Variants in MAML2 observed in about 807,000 individuals in gnomAD.
The protein encoded by MAML2 is mastermind like transcriptional coactivator 2.
A neutral mutation model predicts 96.1 loss-of-function variants in MAML2; 22 were observed. The observed-to-expected ratio is 0.23, with a 90% CI of 0.16 to 0.33. The LOEUF (loss-of-function observed/expected upper bound fraction) is 0.33. MAML2 is among the 10% of genes least tolerant of loss of function. MAML2 has a pLI of 1.00. For missense variants in MAML2, 1,367 were observed against 1,392.4 expected (o/e 0.98, Z 0.29); for synonymous variants, 561 against 521.3 (o/e 1.08, Z -1.04).
At chr11:96,062,036 T>A (rs552223942) in intron 2 of MAML2, among the ~76,000 whole-genome samples, 45 of 152,330 alleles carry the variant, frequency 3.0e-4, no homozygotes, top group African/African-American at 1.1e-3. Context: ...AAAGTGCATA[T>A]TTTAAAGAAA....
chr11:95,993,001 C>T (rs539746964), intron 2 of MAML2, among the ~76,000 whole-genome samples: 7 of 152,200 alleles, frequency 4.6e-5, no homozygotes, highest in Admixed American at 2.0e-4. Context: ...CCACTTCAGC[C>T]TCCTAAAGTG....
intron 1 of MAML2, among the ~76,000 whole-genome samples, chr11:96,295,881 G>T (rs774461737): frequency 2.0e-4 from 27 of 138,376 alleles, no homozygotes; most frequent in Non-Finnish European, 3.0e-4. Flanking sequence ...AACTGTGGAT[G>T]TAAAACTTTC....
intron 1 of MAML2, among the ~76,000 whole-genome samples, chr11:96,264,402 C>T (rs80219432): frequency 0.039 from 6,012 of 152,218 alleles, 368 homozygotes; most frequent in African/African-American, 0.14. Flanking sequence ...TGCATTGGAA[C>T]AGATTGAGGC....
chr11:96,243,680 G>T (rs1862470514), intron 1 of MAML2, among the ~76,000 whole-genome samples: 1 of 145,258 alleles, frequency 6.9e-6, no homozygotes, highest in African/African-American at 2.5e-5. Flanking sequence ...TTGAGACGGA[G>T]TCTCGCTTTG....
Position 96,224,228 on chromosome 11 carries a change from G to T in MAML2, c.513+117155C>A, listed in dbSNP as rs1862179951. 8.5e-5 allele frequency among the ~76,000 whole-genome samples: 13 copies of T among 152,270 alleles called. No individual in the cohort carries two copies. The South Asian group carries it at 2.7e-3, about 32-fold the overall frequency. On this transcript the variant is annotated intron_variant, in intron 1 of 4. Transcript: ENST00000524717. ...GTAAATATAAAATAAATAGTTATTA[G>T]TAGTACAATGATCCACATTTTAAAA...
At chr11:96,270,970 T>G (rs555098266) in intron 1 of MAML2, among the ~76,000 whole-genome samples, 14 of 152,296 alleles carry the variant, frequency 9.2e-5, no homozygotes, top group African/African-American at 3.4e-4. Flanking sequence ...AAGAGCAGAC[T>G]TGCTGAGTCT....
chr11:96,130,763 T>C (rs1416917429), intron 1 of MAML2, among the ~76,000 whole-genome samples: 2 of 141,066 alleles, frequency 1.4e-5, no homozygotes, highest in Non-Finnish European at 1.6e-5. Context: ...CCAAATTGTT[T>C]ATTCTGATTT....
chr11:96,263,919 T>C (rs1239311930), intron 1 of MAML2, among the ~76,000 whole-genome samples: 1 of 152,222 alleles, frequency 6.6e-6, no homozygotes, highest in Non-Finnish European at 1.5e-5. Flanking sequence ...AAAAGATCTA[T>C]AGCATTAGTG....
At position 96,041,728 on chromosome 11, in the gene MAML2, AT is replaced by A. The variant is rs551421799; in HGVS notation, c.2140-50006del. On this transcript the variant is annotated intron_variant, in intron 2 of 4. Coordinates refer to ENST00000524717, the MANE Select transcript of MAML2 (RefSeq NM_032427.4). ...GAAGCCAAACTAGCTGGAGTGAGTG[AT>A]TTTTTTTTTTTCTGAAATGCCTATT... is the stretch of plus-strand genomic sequence containing the variant. Among the ~76,000 whole-genome samples, 130 of 144,798 alleles carry A rather than the reference AT, an allele frequency of 9.0e-4. 1 individual carries two copies. Among genetic ancestry groups the A allele is most frequent in the South Asian group, 1.5e-3 (7 of 4,552 alleles). 95.0% of individuals were successfully genotyped at this position (144,798 alleles called of 152,430 possible).
intron 1 of MAML2, among the ~76,000 whole-genome samples, chr11:96,129,039 C>T (rs921746585): frequency 3.9e-5 from 6 of 152,154 alleles, no homozygotes; most frequent in African/African-American, 1.4e-4. Flanking sequence ...GTAATCTATA[C>T]ATTAGCCAGA....
intron 1 of MAML2, among the ~76,000 whole-genome samples, chr11:96,273,943 T>C (rs1265120191): frequency 6.6e-6 from 1 of 152,158 alleles, no homozygotes; most frequent in East Asian, 1.9e-4. Flanking sequence ...TTTTACATTT[T>C]TACAACATGT....
intron 1 of MAML2, among the ~76,000 whole-genome samples, chr11:96,154,309 C>A (rs1860976671): frequency 6.6e-6 from 1 of 152,194 alleles, no homozygotes; most frequent in African/African-American, 2.4e-5. Context: ...GTCTGCAACA[C>A]AGAAAATGCA....
At chr11:96,088,965 A>G (rs1298681390) in intron 2 of MAML2, among the ~76,000 whole-genome samples, 1 of 152,164 alleles carries the variant, frequency 6.6e-6, no homozygotes. Context: ...AATTTGTAGC[A>G]GAGAACCAAG....
intron 1 of MAML2, among the ~76,000 whole-genome samples, chr11:96,339,543 G>A (rs774560738): frequency 1.3e-5 from 2 of 152,168 alleles, no homozygotes; most frequent in Non-Finnish European, 2.9e-5. Context: ...TCACGGCCCC[G>A]CTCCGGCCTT....
At chr11:96,156,600 G>T (rs769938203) in intron 1 of MAML2, among the ~76,000 whole-genome samples, 4 of 152,154 alleles carry the variant, frequency 2.6e-5, no homozygotes, top group Non-Finnish European at 5.9e-5. Flanking sequence ...AGCCTTTCAT[G>T]CTTCATTTTT....
chr11:96,002,535 GA>G (rs1565186252), intron 2 of MAML2, among the ~76,000 whole-genome samples: 17 of 137,758 alleles, frequency 1.2e-4, no homozygotes, highest in African/African-American at 5.2e-4. Context: ...TGGGGCTGAT[GA>G]AGATGATGAT....
chr11:96,159,962 G>A (rs982582035), intron 1 of MAML2, among the ~76,000 whole-genome samples: 1 of 152,086 alleles, frequency 6.6e-6, no homozygotes, highest in Non-Finnish European at 1.5e-5. Flanking sequence ...ATCATATTCC[G>A]AATTTATTAT....
chr11:96,327,625 C>T lies in MAML2; in HGVS notation c.513+13758G>A, dbSNP rs144896662. Among the ~76,000 whole-genome samples, 1,346 of 149,696 alleles carry T rather than the reference C, an allele frequency of 9.0e-3. 18 individuals carry two copies. Among genetic ancestry groups the T allele is most frequent in the Admixed American group, 0.035 (533 of 15,020 alleles). ...TAGAGACGGGGTTTCACCATGTTGG[C>T]CAGGCTGGTCTTAGAACTCCTGACC... On this transcript the variant is annotated intron_variant, in intron 1 of 4. Transcript: ENST00000524717.
intron 1 of MAML2, among the ~76,000 whole-genome samples, chr11:96,252,380 T>C (rs1377512874): frequency 6.6e-6 from 1 of 152,038 alleles, no homozygotes; most frequent in Non-Finnish European, 1.5e-5. Flanking sequence ...CCTTATGTGA[T>C]GTTTTGTGCA....
Sources: allele counts gnomAD v4.1 joint callset (sites outside exome capture counted in the v4.1 genomes callset), GRCh38; gene constraint gnomAD v4.1.1; transcripts MANE v1.5; gene names NCBI Gene and HGNC (gene_info 2026-07-23, HGNC 2026-07-21).